KIF2C: variants seen among roughly 807,000 people sequenced by gnomAD.
The protein encoded by KIF2C is kinesin family member 2C.
KIF2C carries 34 observed loss-of-function variants against 97.4 expected under a neutral mutation model. The observed-to-expected ratio is 0.35, with a 90% CI of 0.27 to 0.46. KIF2C has a LOEUF of 0.46. Ranked by LOEUF, KIF2C falls within the 20% of genes least tolerant of loss-of-function variation. KIF2C has a pLI of 1.00. For synonymous variants in KIF2C, 313 were observed against 318.2 expected (o/e 0.98, Z 0.17); for missense variants, 750 against 907.6 (o/e 0.83, Z 2.23).
rs779927277 is a variant in KIF2C at position 44,757,665 on chromosome 1, C to T, written c.1068+19C>T. The T allele has an allele frequency of 3.6e-5, 56 of 1,558,806 alleles. No individual in the cohort carries two copies. The highest frequency in any genetic ancestry group is 4.6e-5 in the Non-Finnish European group (52 of 1,129,746). ...GACACATGTGAGTATTGAGGCCTGG[C>T]GGGGAAAGAGCCTTTCCCTTGTGCA... On this transcript the variant is annotated intron_variant, in intron 11 of 20. Coordinates refer to ENST00000372224, the MANE Select transcript of KIF2C (RefSeq NM_006845.4).
chr1:44,759,743 G>C (rs561083590), intron 14 of KIF2C, among the ~76,000 whole-genome samples: 118 of 152,314 alleles, frequency 7.7e-4, no homozygotes, highest in African/African-American at 2.4e-3. Flanking sequence ...ATGCTTCCTG[G>C]CTTCTTTGGG....
rs1309263357 is a variant in KIF2C at position 44,760,827 on chromosome 1, C to T, written c.1683+125C>T. 3 of 734,686 alleles carry T rather than the reference C, an allele frequency of 4.1e-6. No homozygotes were observed. The highest frequency in any genetic ancestry group is 7.0e-6 in the Non-Finnish European group (3 of 431,310). The allele number at this position is 734,686 out of a possible 1,614,324, so 45.5% of individuals were successfully genotyped here. ...TGGCTGCCTGGGTTTCCAGGCTGTA[C>T]CGTGACTGGGCTTCCAGACCCTGCT... is the stretch of plus-strand genomic sequence containing the variant. On this transcript the variant is annotated intron_variant, in intron 16 of 20. Transcript: ENST00000372224. This position sits in a 1 kb window ranked among gnomAD's most constrained non-coding sequence, Gnocchi z 4.2.
In KIF2C at chr1:44,757,565, A is replaced by G. The variant is rs1649909122; in HGVS notation, c.987A>G (p.Ala329=). Residue 329 remains alanine, a synonymous_variant, in exon 11 of 21, where the codon GCA becomes GCG. Coordinates refer to ENST00000372224, the MANE Select transcript of KIF2C (RefSeq NM_006845.4). Reference sequence around the variant, plus strand: ...TCTACCCCTCTTCTAGGTTCACAGCAAGGCCACTGGTACAGACAATCTTTG... The same window carrying G: ...TCTACCCCTCTTCTAGGTTCACAGCGAGGCCACTGGTACAGACAATCTTTG... ...ASNEVVYRFT[A]RPLVQTIFEG... 3 of 1,611,492 alleles carry G rather than the reference A, an allele frequency of 1.9e-6. No homozygotes were observed. Among genetic ancestry groups the G allele is most frequent in the Non-Finnish European group, 2.5e-6 (3 of 1,177,692 alleles).
chr1:44,761,832 C>A, intron 16 of KIF2C, 84 bp from the exon 17 acceptor site: 2 of 1,300,746 alleles, frequency 1.5e-6, no homozygotes, highest in Non-Finnish European at 2.2e-6. Flanking sequence ...GAAGAAACAC[C>A]CTGACTGGAG....
At position 44,750,429 on chromosome 1, in the gene KIF2C, C is replaced by T. The variant is rs201340328; in HGVS notation, c.317-13C>T. On this transcript the variant is annotated splice_polypyrimidine_tract_variant and intron_variant, in intron 4 of 20. Transcript: ENST00000372224. ...CGTGCAGCACTGACTGGCTACTGCT[C>T]TCGGTTCTCCAGGTCTTCGAAGCCG... 1.4e-6 allele frequency: 2 copies of T among 1,443,636 alleles called. No homozygotes were observed. The highest frequency in any genetic ancestry group is 1.4e-5 in the African/African-American group (1 of 69,670). 89.4% of individuals were successfully genotyped at this position (1,443,636 alleles called of 1,614,324 possible).
chr1:44,762,158 C>CAATCCTCT, intron 17 of KIF2C, 175 bp downstream of exon 17: 1 of 834,614 alleles, frequency 1.2e-6, no homozygotes. Context: ...CCTCTCCGGG[C>CAATCCTCT]CCTGCTGGAG....
intron 2 of KIF2C, among the ~76,000 whole-genome samples, chr1:44,742,409 C>G (rs907186250): frequency 2.0e-5 from 3 of 150,296 alleles, no homozygotes; most frequent in African/African-American, 7.3e-5. Flanking sequence ...ATGCCCGGCT[C>G]TGGTATGTTT....
In KIF2C at chr1:44,760,239, G is replaced by A; in HGVS notation, c.1368-41G>A. On this transcript the variant is annotated intron_variant, in intron 14 of 20. Transcript: ENST00000372224. This position sits in a 1 kb window ranked among gnomAD's most constrained non-coding sequence, Gnocchi z 4.2. Reference sequence around the variant, plus strand: ...CTTCTGTGGACTTGGGTGCCATGGGGGCTGGTGACCACAGAATCTCATAAC... The same window carrying A: ...CTTCTGTGGACTTGGGTGCCATGGGAGCTGGTGACCACAGAATCTCATAAC... 2.5e-6 allele frequency: 4 copies of A among 1,584,820 alleles called. No individual in the cohort carries two copies. The highest frequency in any genetic ancestry group is 3.5e-6 in the Non-Finnish European group (4 of 1,155,006).
rs1461078484 is a variant in KIF2C, at chr1:44,747,666, A to G, written c.282A>G (p.Arg94=). Residue 94 remains arginine (R), a synonymous_variant, in exon 4 of 21, where the codon AGA becomes AGG. Transcript: ENST00000372224. ...ENVTIQKQKR[R]SVNSKIPAPK... is the part of the protein sequence containing the mutation. The stretch of plus-strand genomic sequence containing the variant: ...TTGTTTTTCAGAAACAAAAACGGAG[A>G]TCCGTCAACTCCAAAATTCCTGCTC... 4 of 1,613,834 alleles carry G rather than the reference A, an allele frequency of 2.5e-6. No individual in the cohort carries two copies. Among genetic ancestry groups the G allele is most frequent in the Non-Finnish European group, 3.4e-6 (4 of 1,179,924 alleles).
At chr1:44,744,396 C>T (rs752404915) in intron 2 of KIF2C, among the ~76,000 whole-genome samples, 8 of 152,208 alleles carry the variant, frequency 5.3e-5, no homozygotes, top group Non-Finnish European at 1.0e-4. Flanking sequence ...GCATGAGCCA[C>T]CACATGTGGC....
intron 2 of KIF2C, among the ~76,000 whole-genome samples, chr1:44,742,496 T>A (rs1648984767): frequency 6.6e-6 from 1 of 151,352 alleles, no homozygotes; most frequent in Non-Finnish European, 1.5e-5. Flanking sequence ...GGTGGGCGGA[T>A]CACTTGAGAT....
At chr1:44,753,958 C>CCTTT (rs1649674479) in intron 7 of KIF2C, 125 bp downstream of exon 7, 1 of 66,714 alleles carries the variant, frequency 1.5e-5, no homozygotes, top group Admixed American at 2.3e-4. Flanking sequence ...GGCCCCAATT[C>CCTTT]TTTTTTTTTT....
chr1:44,762,710 G>C, intron 19 of KIF2C, 52 bp downstream of exon 19: 1 of 1,156,400 alleles, frequency 8.6e-7, no homozygotes, highest in Non-Finnish European at 1.3e-6. Flanking sequence ...CCCTCAGTAT[G>C]CTCCACACCA....
chr1:44,767,455 T>G lies in KIF2C; in HGVS notation c.*276T>G, dbSNP rs1279437516. 3 of 374,154 alleles carry G rather than the reference T, an allele frequency of 8.0e-6. No individual in the cohort carries two copies. The Admixed American group carries it at 1.2e-4, about 15-fold the overall frequency. The allele number at this position is 374,154 out of a possible 1,614,324, so 23.2% of individuals were successfully genotyped here. ...CTTCTTTCCATCAAGGGGAATGTTCTCAGCATAGAGCTTTCTCCGCAGCAT... is the reference window on the plus strand; with the variant it reads ...CTTCTTTCCATCAAGGGGAATGTTCGCAGCATAGAGCTTTCTCCGCAGCAT... On this transcript the variant is annotated 3_prime_UTR_variant, in exon 21 of 21. Transcript: ENST00000372224.
chr1:44,752,156 T>G (rs1649562303), intron 5 of KIF2C, among the ~76,000 whole-genome samples: 2 of 142,744 alleles, frequency 1.4e-5, no homozygotes, highest in South Asian at 2.3e-4. Context: ...TTTTTTTTTT[T>G]GAGACAGAGT....
At position 44,767,071 on chromosome 1, in the gene KIF2C, A is replaced by G. The variant is rs770267413; in HGVS notation, c.2096-26A>G. On this transcript the variant is annotated intron_variant, in intron 20 of 20. Transcript: ENST00000372224. The stretch of plus-strand genomic sequence containing the variant: ...GGCTCCTCAGACTCTCACTAACCCC[A>G]TATGTACCGCTACCCTTTCTTCCAG... 64 of 1,613,004 alleles carry G rather than the reference A, an allele frequency of 4.0e-5. No individual in the cohort carries two copies. In the East Asian group the frequency reaches 1.4e-3, roughly 34 times the overall value.
chr1:44,754,500 G>C (rs139414516), intron 7 of KIF2C, among the ~76,000 whole-genome samples: 65 of 152,204 alleles, frequency 4.3e-4, no homozygotes, highest in Middle Eastern at 3.4e-3. Flanking sequence ...TGGGAAGCCC[G>C]ATCTGCTGTG....
chr1:44,750,473 T>C lies in KIF2C; in HGVS notation c.348T>C (p.Thr116=), dbSNP rs993434612. The C allele has an allele frequency of 4.5e-6, 7 of 1,565,534 alleles. No individual in the cohort carries two copies. Among genetic ancestry groups the C allele is most frequent in the Non-Finnish European group, 6.1e-6 (7 of 1,152,154 alleles). ...GAAGCCGCTCCACTCGCATGTCCACTGTCTCAGAGCTTCGCATCACGGCTC... is the reference window on the plus strand; with the variant it reads ...GAAGCCGCTCCACTCGCATGTCCACCGTCTCAGAGCTTCGCATCACGGCTC... ...SLRSRSTRMS[T]VSELRITAQE... The change falls in exon 5 of 21, where the codon ACT becomes ACC. Residue 116 remains threonine, a synonymous_variant. Coordinates refer to ENST00000372224, the MANE Select transcript of KIF2C (RefSeq NM_006845.4).
intron 7 of KIF2C, among the ~76,000 whole-genome samples, 199 bp from the exon 8 acceptor site, chr1:44,754,551 C>T (rs144173700): frequency 3.3e-5 from 5 of 152,264 alleles, no homozygotes; most frequent in East Asian, 3.9e-4. Context: ...CAGTTCCTAG[C>T]GTGCTTTGGC....
Sources: allele counts gnomAD v4.1 joint callset (sites outside exome capture counted in the v4.1 genomes callset), GRCh38; gene constraint gnomAD v4.1.1; non-coding constraint Gnocchi (gnomAD v3.1); transcripts MANE v1.5; gene names NCBI Gene and HGNC (gene_info 2026-07-23, HGNC 2026-07-21).